Variants in FAM3C observed in about 807,000 individuals in gnomAD.
FAM3C encodes protein FAM3C.
A neutral mutation model predicts 32.5 loss-of-function variants in FAM3C; 15 were observed. The observed-to-expected ratio is 0.46, with a 90% CI of 0.31 to 0.71. The LOEUF is 0.71. Among genes scored for constraint, FAM3C ranks in the 30% least tolerant of loss-of-function variants. The probability of loss-of-function intolerance (pLI) is 0.05; values close to 1 mark genes in which losing one functional copy is unlikely to be tolerated. For synonymous variants in FAM3C, 75 were observed against 86.1 expected (o/e 0.87, Z 0.72); for missense variants, 175 against 274.4 (o/e 0.64, Z 2.56).
intron 9 of FAM3C, 22 bp from the exon 10 acceptor site, chr7:121,350,572 A>C (rs1562881188): frequency 1.2e-6 from 2 of 1,610,018 alleles, no homozygotes; most frequent in Non-Finnish European, 1.7e-6. Context: ...CAGTAATAAT[A>C]TACAGTTTAA....
chr7:121,358,755 A>G (rs1584691144), intron 8 of FAM3C, among the ~76,000 whole-genome samples: 1 of 152,068 alleles, frequency 6.6e-6, no homozygotes, highest in Non-Finnish European at 1.5e-5. Flanking sequence ...ATACTTCTCA[A>G]GTATACAAGG....
At chr7:121,381,431 A>C (rs1288919976) in intron 2 of FAM3C, among the ~76,000 whole-genome samples, 1 of 152,196 alleles carries the variant, frequency 6.6e-6, no homozygotes, top group Non-Finnish European at 1.5e-5. Flanking sequence ...TGCCAAACAC[A>C]AAATAAGCAC....
At chr7:121,355,015 C>T (rs1584688941) in intron 8 of FAM3C, among the ~76,000 whole-genome samples, 1 of 152,166 alleles carries the variant, frequency 6.6e-6, no homozygotes, top group African/African-American at 2.4e-5. Context: ...ACCAGGAAGA[C>T]CTGTAGTGCT....
At position 121,371,524 on chromosome 7, in the gene FAM3C, C is replaced by A; in HGVS notation, c.149-101G>T. The A allele has an allele frequency of 2.5e-6, 3 of 1,209,820 alleles. No individual in the cohort carries two copies. In the South Asian group the frequency reaches 4.3e-5, roughly 17 times the overall value. The allele number at this position is 1,209,820 out of a possible 1,614,324, so 74.9% of individuals were successfully genotyped here. ...AAACCACAAAGAGCATTAAGAAAAA[C>A]ATCAAGATACACGTATCTTAAAATA... On this transcript the variant is annotated intron_variant, in intron 4 of 9. Coordinates refer to ENST00000359943, the MANE Select transcript of FAM3C (RefSeq NM_014888.3).
At chr7:121,381,629 G>A (rs1480111186) in intron 2 of FAM3C, among the ~76,000 whole-genome samples, 2 of 150,522 alleles carry the variant, frequency 1.3e-5, no homozygotes, top group Non-Finnish European at 3.0e-5. Flanking sequence ...ATCATAAATA[G>A]TAAGTCCTGC....
chr7:121,392,064 C>T (rs915088304), intron 1 of FAM3C, among the ~76,000 whole-genome samples: 3 of 152,180 alleles, frequency 2.0e-5, no homozygotes, highest in South Asian at 2.1e-4. Context: ...CTTTGCTTTA[C>T]ATCTGTGACC....
intron 2 of FAM3C, among the ~76,000 whole-genome samples, chr7:121,381,871 CTTTG>C (rs1432911052): frequency 1.3e-5 from 2 of 152,190 alleles, no homozygotes; most frequent in East Asian, 1.9e-4. Context: ...CCTCAGTTAT[CTTTG>C]TTTAATAATC....
At chr7:121,385,150 C>A (rs555014778) in intron 1 of FAM3C, among the ~76,000 whole-genome samples, 20 of 152,002 alleles carry the variant, frequency 1.3e-4, no homozygotes, top group Non-Finnish European at 2.4e-4. Context: ...CTAGAGGCAA[C>A]AGGCGAAAGG....
intron 3 of FAM3C, among the ~76,000 whole-genome samples, chr7:121,372,723 C>T (rs1794172881): frequency 6.6e-6 from 1 of 152,130 alleles, no homozygotes; most frequent in South Asian, 2.1e-4. Flanking sequence ...TATAGTAGGG[C>T]TTTTTAAAAG....
intron 1 of FAM3C, among the ~76,000 whole-genome samples, chr7:121,383,725 G>A (rs1238676424): frequency 6.6e-6 from 1 of 152,090 alleles, no homozygotes; most frequent in Non-Finnish European, 1.5e-5. Flanking sequence ...GTATGTGCAT[G>A]GGTGTTTTCC....
At chr7:121,351,930 G>T (rs1793714741) in intron 8 of FAM3C, among the ~76,000 whole-genome samples, 1 of 152,104 alleles carries the variant, frequency 6.6e-6, no homozygotes, top group African/African-American at 2.4e-5. Flanking sequence ...TTTTGTGTAA[G>T]TGATCATCCT....
rs140177929 is a variant in FAM3C, at chr7:121,371,397, C to G, written c.175G>C (p.Gly59Arg). The G allele has an allele frequency of 1.7e-4, 275 of 1,613,896 alleles. No homozygotes were observed. The highest frequency in any genetic ancestry group is 2.1e-4 in the Non-Finnish European group (252 of 1,179,838). ...TTCTCAGGGCAAGCTTTTGAGATCCCACACTTATATCTGGGAGGCTTTGTA... is the reference window on the plus strand; with the variant it reads ...TTCTCAGGGCAAGCTTTTGAGATCCGACACTTATATCTGGGAGGCTTTGTA... ...RSTKPPRYKC[G>R]ISKACPEKHF... The change falls in exon 5 of 10, where the codon GGG (glycine) becomes CGG (arginine). Residue 59 changes from glycine to arginine, a missense_variant. Gly to Arg is a moderately radical substitution (Grantham distance 125, BLOSUM62 -2). Transcript: ENST00000359943.
chr7:121,379,988 G>C (rs960427350), intron 2 of FAM3C, among the ~76,000 whole-genome samples: 1 of 152,122 alleles, frequency 6.6e-6, no homozygotes, highest in African/African-American at 2.4e-5. Context: ...CTATTTTCAA[G>C]AGCAACTTAC....
intron 3 of FAM3C, among the ~76,000 whole-genome samples, chr7:121,376,893 A>C (rs964347533): frequency 5.9e-5 from 9 of 152,118 alleles, no homozygotes; most frequent in Admixed American, 5.2e-4. Flanking sequence ...CTAACTCAGA[A>C]ATCTACGTTT....
At chr7:121,395,339 A>C (rs925797607) in intron 1 of FAM3C, among the ~76,000 whole-genome samples, 1 of 151,858 alleles carries the variant, frequency 6.6e-6, no homozygotes, top group Admixed American at 6.6e-5. Flanking sequence ...ATGGATACAT[A>C]CACCTGGCTA....
At chr7:121,395,701 C>T (rs949061606) in intron 1 of FAM3C, among the ~76,000 whole-genome samples, 2 of 152,082 alleles carry the variant, frequency 1.3e-5, no homozygotes, top group Admixed American at 6.5e-5. Flanking sequence ...CTAGTATAGG[C>T]GACACTAAAA....
intron 5 of FAM3C, among the ~76,000 whole-genome samples, chr7:121,370,937 T>C (rs751901676): frequency 6.6e-6 from 1 of 152,204 alleles, no homozygotes; most frequent in Non-Finnish European, 1.5e-5. Flanking sequence ...ACCAAGGAAC[T>C]GAACTTTTTA....
chr7:121,364,309 C>T (rs959124858), intron 5 of FAM3C, 121 bp from the exon 6 acceptor site: 37 of 650,804 alleles, frequency 5.7e-5, no homozygotes, highest in East Asian at 3.6e-4. Flanking sequence ...TTCAGTGCTG[C>T]GGAGGAAATT....
intron 1 of FAM3C, among the ~76,000 whole-genome samples, chr7:121,389,155 G>A (rs1028874177): frequency 6.6e-6 from 1 of 151,904 alleles, no homozygotes; most frequent in African/African-American, 2.4e-5. Flanking sequence ...GTAGGGAGAG[G>A]CAGCCAAGCC....
Sources: allele counts gnomAD v4.1 joint callset (sites outside exome capture counted in the v4.1 genomes callset), GRCh38; gene constraint gnomAD v4.1.1; transcripts MANE v1.5; gene names NCBI Gene and HGNC (gene_info 2026-07-23, HGNC 2026-07-21).